The following AHR variants were observed in gnomAD, a reference collection of about 807,000 sequenced individuals.
AHR encodes the protein aryl hydrocarbon receptor.
AHR carries 40 observed loss-of-function variants against 86.8 expected under a neutral mutation model. That is an observed-to-expected ratio of 0.46 (90% CI 0.36 to 0.60). The LOEUF (loss-of-function observed/expected upper bound fraction) is 0.60. Ranked by LOEUF, AHR falls within the 20% of genes least tolerant of loss-of-function variation. The pLI is 0.00. For missense variants in AHR, 1,001 were observed against 1,011.6 expected (o/e 0.99, Z 0.14); for synonymous variants, 398 against 354.9 (o/e 1.12, Z -1.37).
intron 1 of AHR, among the ~76,000 whole-genome samples, chr7:17,308,700 AACACACACAC>A (rs372879452): frequency 7.9e-5 from 11 of 139,584 alleles, no homozygotes; most frequent in African/African-American, 2.1e-4. Flanking sequence ...TACATACATA[AACACACACAC>A]ACACACACAC....
In AHR at chr7:17,343,341, A is replaced by G. The variant is rs746262577; in HGVS notation, c.*277A>G. The G allele has an allele frequency of 3.1e-5, 11 of 356,718 alleles. No individual in the cohort carries two copies. Among genetic ancestry groups the G allele is most frequent in the Non-Finnish European group, 5.5e-5 (11 of 201,040 alleles). The allele number at this position is 356,718 out of a possible 1,614,324, so 22.1% of individuals were successfully genotyped here. A position where few individuals can be genotyped will look rare whatever the true frequency, so the allele number is the denominator to read the frequency against. ...TTCACATTATTCTGGGCACCACAAA[A>G]TATACAAAACTTTATCAGGGAAACT... On this transcript the variant is annotated 3_prime_UTR_variant, in exon 11 of 11. Transcript: ENST00000242057.
intron 4 of AHR, among the ~76,000 whole-genome samples, chr7:17,328,910 A>C (rs749690283): frequency 1.3e-5 from 2 of 151,988 alleles, no homozygotes; most frequent in Non-Finnish European, 2.9e-5. Flanking sequence ...CTGCTACCAC[A>C]AAGTCTAAAC....
At chr7:17,300,139 A>G (rs536007909) in intron 1 of AHR, among the ~76,000 whole-genome samples, 1 of 152,310 alleles carries the variant, frequency 6.6e-6, no homozygotes, top group Admixed American at 6.5e-5. Context: ...TTGAGTGAGT[A>G]CAAACTTGCT....
At chr7:17,338,589 C>T (rs1414136484) in intron 9 of AHR, among the ~76,000 whole-genome samples, 4 of 152,136 alleles carry the variant, frequency 2.6e-5, no homozygotes, top group African/African-American at 7.2e-5. Flanking sequence ...ATCCTGGGCT[C>T]AAGCAATTCA....
chr7:17,330,016 G>A lies in AHR; in HGVS notation c.515G>A (p.Arg172His), dbSNP rs772197352. The A allele has an allele frequency of 1.1e-5, 18 of 1,610,828 alleles. No individual in the cohort carries two copies. Among genetic ancestry groups the A allele is most frequent in the South Asian group, 5.5e-5 (5 of 91,018 alleles). ...IHTEDRAEFQ[R>H]QLHWALNPSQ... Reference sequence around the variant, plus strand: ...ACCGAAGACCGAGCTGAATTTCAGCGTCAGCTACACTGGGCATTAAATCCT... The same window carrying A: ...ACCGAAGACCGAGCTGAATTTCAGCATCAGCTACACTGGGCATTAAATCCT... Residue 172 changes from arginine to histidine, a missense_variant, in exon 5 of 11, where the codon CGT becomes CAT. Arg to His is a conservative substitution (Grantham distance 29). This residue lies in a region of AHR where 394 missense variants were observed against 468.5 expected (regional missense o/e 0.84). Coordinates refer to ENST00000242057, the MANE Select transcript of AHR (RefSeq NM_001621.5).
rs776554950 is a variant in AHR at position 17,339,659 on chromosome 7, A to G, written c.1834A>G (p.Met612Val). The G allele has an allele frequency of 1.1e-5, 18 of 1,614,118 alleles. No individual in the cohort carries two copies. The highest frequency in any genetic ancestry group is 4.5e-5 in the East Asian group (2 of 44,876). ...QQSLALNSSC[M>V]VQEHLHLEQQ... is the part of the protein sequence containing the mutation. ...GTCCTTGGCTCTGAACTCAAGCTGT[A>G]TGGTACAGGAACACCTACATCTAGA... The change falls in exon 10 of 11, where the codon ATG becomes GTG. Residue 612 changes from methionine to valine, a missense_variant. Transcript: ENST00000242057.
At chr7:17,328,606 A>G (rs571185310) in intron 4 of AHR, among the ~76,000 whole-genome samples, 1 of 152,062 alleles carries the variant, frequency 6.6e-6, no homozygotes, top group East Asian at 1.9e-4. Context: ...CCCCATTGTC[A>G]GATATTCTGA....
chr7:17,321,619 AGTG>A (rs1782174686), intron 2 of AHR, among the ~76,000 whole-genome samples: 1 of 149,798 alleles, frequency 6.7e-6, no homozygotes. Context: ...ACACACACAC[AGTG>A]AGGAAAAAAA....
chr7:17,306,885 A>G (rs1021083062), intron 1 of AHR, among the ~76,000 whole-genome samples: 1 of 152,160 alleles, frequency 6.6e-6, no homozygotes, highest in Non-Finnish European at 1.5e-5. Flanking sequence ...ACTTTTGGTC[A>G]GCAAACATTA....
intron 6 of AHR, among the ~76,000 whole-genome samples, chr7:17,332,648 CTG>C (rs1380614669): frequency 6.6e-6 from 1 of 151,914 alleles, no homozygotes; most frequent in Non-Finnish European, 1.5e-5. Context: ...TGGCTGTACA[CTG>C]TGTTTAAGTG....
chr7:17,333,841 A>T, intron 6 of AHR, 71 bp from the exon 7 acceptor site: 2 of 1,240,746 alleles, frequency 1.6e-6, no homozygotes, highest in Non-Finnish European at 2.3e-6. Flanking sequence ...GCCATAATGG[A>T]GCCTTTTAAA....
chr7:17,311,467 A>G (rs556397195), intron 2 of AHR, among the ~76,000 whole-genome samples: 6 of 152,322 alleles, frequency 3.9e-5, no homozygotes, highest in Admixed American at 1.3e-4. Flanking sequence ...TGTGTTTAGA[A>G]TATTGCAACA....
rs530894063 is a variant in AHR, at chr7:17,299,328, A to C, written c.64A>C (p.Thr22Pro). ...CAAGCGGCGGAAGCCGGTGCAGAAA[A>C]CGTGAGTGTCCCGAGCGCGTCCTCA... ...SRKRRKPVQK[T>P]VKPIPAEGIK... The change falls in exon 1 of 11, where the codon ACA (threonine) becomes CCA (proline). Residue 22 changes from threonine (T) to proline (P), a missense_variant and splice_region_variant. Thr to Pro is a conservative substitution (Grantham distance 38, BLOSUM62 -1). Around this residue, in one of 2 missense-constraint regions of AHR, gnomAD observed 394 missense variants for 468.5 expected, o/e 0.84. Transcript: ENST00000242057. The C allele has an allele frequency of 6.2e-7, 1 of 1,612,628 alleles. No individual in the cohort carries two copies. The highest frequency in any genetic ancestry group is 1.3e-5 in the African/African-American group (1 of 74,894).
At chr7:17,322,994 T>G (rs1420997160) in intron 3 of AHR, among the ~76,000 whole-genome samples, 1 of 152,086 alleles carries the variant, frequency 6.6e-6, no homozygotes, top group Non-Finnish European at 1.5e-5. Context: ...CGTAAGTGTA[T>G]GGTAGACTAT....
chr7:17,339,076 C>T lies in AHR; in HGVS notation c.1251C>T (p.Thr417=). 1.2e-6 allele frequency: 2 copies of T among 1,614,032 alleles called. No individual in the cohort carries two copies. Among genetic ancestry groups the T allele is most frequent in the East Asian group, 2.2e-5 (1 of 44,876 alleles). ...GAGAAGCTGTGTTGTATGAGGCAAC[C>T]AACCCTTTTCCTGCCATAATGGATC... ...TTGEAVLYEA[T]NPFPAIMDPL... Residue 417 remains threonine, a synonymous_variant, in exon 10 of 11, where the codon ACC becomes ACT. Coordinates refer to ENST00000242057, the MANE Select transcript of AHR (RefSeq NM_001621.5).
rs1782320256 is a variant in AHR at position 17,333,334 on chromosome 7, A to G, written c.706-578A>G. Among the ~76,000 whole-genome samples, 3 of 151,900 alleles carry G rather than the reference A, an allele frequency of 2.0e-5. No homozygotes were observed. The South Asian group carries it at 6.2e-4, about 32-fold the overall frequency. ...TGGTTGATATTGTTTTAAGCAATTAAATATATCATGTTCATGTTTAAGTGC... is the reference window on the plus strand; with the variant it reads ...TGGTTGATATTGTTTTAAGCAATTAGATATATCATGTTCATGTTTAAGTGC... On this transcript the variant is annotated intron_variant, in intron 6 of 10. Coordinates refer to ENST00000242057, the MANE Select transcript of AHR (RefSeq NM_001621.5).
chr7:17,303,980 T>C (rs965897149), intron 1 of AHR, among the ~76,000 whole-genome samples: 12 of 152,132 alleles, frequency 7.9e-5, no homozygotes, highest in African/African-American at 2.9e-4. Flanking sequence ...GGGATCATGG[T>C]TATGTATAGG....
In AHR at chr7:17,333,939, T is replaced by C; in HGVS notation, c.733T>C (p.Tyr245His). Residue 245 changes from tyrosine (Y) to histidine (H), a missense_variant, in exon 7 of 11, where the codon TAT becomes CAT. Physicochemically the swap from Tyr to His is moderately conservative, Grantham distance 83. Transcript: ENST00000242057. ...AATGAATTTCCAAGGGAAGTTAAAGTATCTTCATGGACAGAAAAAGAAAGG... is the reference window on the plus strand; with the variant it reads ...AATGAATTTCCAAGGGAAGTTAAAGCATCTTCATGGACAGAAAAAGAAAGG... Reference protein sequence around the residue: ...LAMNFQGKLKYLHGQKKKGKD... With the variant: ...LAMNFQGKLKHLHGQKKKGKD... 1 of 1,613,196 alleles carries C rather than the reference T, an allele frequency of 6.2e-7. No individual in the cohort carries two copies. Among genetic ancestry groups the C allele is most frequent in the Non-Finnish European group, 8.5e-7 (1 of 1,179,368 alleles).
intron 5 of AHR, 75 bp from the exon 6 acceptor site, chr7:17,330,681 C>A (rs899261208): frequency 1.3e-5 from 17 of 1,350,612 alleles, no homozygotes; most frequent in Non-Finnish European, 1.7e-5. Context: ...GAAACTAATA[C>A]AAATTTTACC....
Sources: allele counts gnomAD v4.1 joint callset (sites outside exome capture counted in the v4.1 genomes callset), GRCh38; gene constraint gnomAD v4.1.1; regional missense constraint gnomAD v4.1.1; transcripts MANE v1.5; gene names NCBI Gene and HGNC (gene_info 2026-07-23, HGNC 2026-07-21).